Variants in RABEP1 observed in about 807,000 individuals in gnomAD.
RABEP1 encodes the protein rab GTPase-binding effector protein 1.
RABEP1 carries 51 observed loss-of-function variants against 123.4 expected under a neutral mutation model. The ratio of observed to expected loss-of-function variants is 0.41; its 90% CI spans 0.33 to 0.52. The LOEUF (loss-of-function observed/expected upper bound fraction) is 0.52. Ranked by LOEUF, RABEP1 falls within the 20% of genes least tolerant of loss-of-function variation. The probability of loss-of-function intolerance (pLI) is 0.16; values close to 1 mark genes in which losing one functional copy is unlikely to be tolerated. For synonymous variants in RABEP1, 347 were observed against 355.2 expected (o/e 0.98, Z 0.26); for missense variants, 888 against 996.3 (o/e 0.89, Z 1.46).
intron 2 of RABEP1, among the ~76,000 whole-genome samples, chr17:5,314,231 A>ATTTTTTTTT (rs2075272537): frequency 2.8e-5 from 1 of 35,242 alleles, no homozygotes; most frequent in African/African-American, 9.4e-5. Context: ...CTTAGTACCT[A>ATTTTTTTTT]TTCTTTTTTT....
Position 5,294,860 on chromosome 17 carries a change from G to C in RABEP1, c.34+12340G>C, listed in dbSNP as rs55965712. On this transcript the variant is annotated intron_variant, in intron 1 of 17. Coordinates refer to ENST00000537505, the MANE Select transcript of RABEP1 (RefSeq NM_004703.6). ...ACAGGGTTTCATCACGTTAGCCAGG[G>C]TGGTCTCGATCTCCTGACCTTGTGA... Among the ~76,000 whole-genome samples the C allele has an allele frequency of 1.5e-4, 22 of 151,078 alleles. No individual in the cohort carries two copies. In the East Asian group the frequency reaches 2.8e-3, roughly 19 times the overall value.
intron 1 of RABEP1, among the ~76,000 whole-genome samples, chr17:5,299,542 G>A (rs1232062182): frequency 6.6e-6 from 1 of 151,174 alleles, no homozygotes; most frequent in African/African-American, 2.4e-5. Context: ...GGCCACTGAA[G>A]TGTGTTTTCA....
chr17:5,381,182 T>C (rs563940410), intron 16 of RABEP1, among the ~76,000 whole-genome samples: 2 of 152,290 alleles, frequency 1.3e-5, no homozygotes, highest in East Asian at 3.9e-4. Flanking sequence ...CTTTGGCTTT[T>C]CATACCCAGT....
chr17:5,371,513 T>C (rs1910531238), intron 12 of RABEP1: 1 of 152,224 alleles, frequency 6.6e-6, no homozygotes, highest in Admixed American at 6.5e-5. Flanking sequence ...CCTTCTTTCA[T>C]ATCCAGAAGG....
rs182114847 is a variant in RABEP1, at chr17:5,315,373, A to G, written c.163+6551A>G. ...TTCCTCCTAGTGAGACAAAGAGGGAAATATGAAAGAATATAAAGACAAAGA... is the reference window on the plus strand; with the variant it reads ...TTCCTCCTAGTGAGACAAAGAGGGAGATATGAAAGAATATAAAGACAAAGA... On this transcript the variant is annotated intron_variant, in intron 2 of 17. Transcript: ENST00000537505. Among the ~76,000 whole-genome samples, 12 of 152,346 alleles carry G rather than the reference A, an allele frequency of 7.9e-5. No individual in the cohort carries two copies. In the East Asian group the frequency reaches 2.3e-3, roughly 29 times the overall value.
At chr17:5,332,596 A>ATTTTTTT (rs553120401) in intron 3 of RABEP1, among the ~76,000 whole-genome samples, 13 of 105,910 alleles carry the variant, frequency 1.2e-4, no homozygotes, top group African/African-American at 3.7e-4. Context: ...ACGTTTTAGA[A>ATTTTTTT]TTTTTTTTTT....
At chr17:5,363,307 AC>A (rs1458534174) in intron 10 of RABEP1, among the ~76,000 whole-genome samples, 2 of 149,826 alleles carry the variant, frequency 1.3e-5, no homozygotes, top group Non-Finnish European at 3.0e-5. Context: ...GCAACTTCCG[AC>A]CCCCTGGTTC....
At chr17:5,354,083 T>C (rs1291251977) in intron 7 of RABEP1, among the ~76,000 whole-genome samples, 2 of 152,174 alleles carry the variant, frequency 1.3e-5, no homozygotes, top group African/African-American at 4.8e-5. Context: ...CGGTTTTGCT[T>C]TCTTTTATTT....
intron 2 of RABEP1, among the ~76,000 whole-genome samples, chr17:5,324,313 G>A (rs1348925753): frequency 6.6e-6 from 1 of 152,040 alleles, no homozygotes; most frequent in African/African-American, 2.4e-5. Flanking sequence ...CTGCAACAAA[G>A]GCACCAAGAA....
intron 8 of RABEP1, among the ~76,000 whole-genome samples, chr17:5,357,194 CAT>C (rs1689971554): frequency 6.6e-6 from 1 of 151,998 alleles, no homozygotes; most frequent in African/African-American, 2.4e-5. Flanking sequence ...ACTTTTAAAA[CAT>C]AATCTAGATT....
At chr17:5,373,776 TC>T (rs1910742796) in intron 13 of RABEP1, among the ~76,000 whole-genome samples, 2 of 150,190 alleles carry the variant, frequency 1.3e-5, no homozygotes, top group East Asian at 2.0e-4. Context: ...CCATCCTTAT[TC>T]CCCCTCCTCC....
intron 5 of RABEP1, among the ~76,000 whole-genome samples, chr17:5,343,145 G>C (rs186675372): frequency 2.0e-5 from 3 of 152,178 alleles, no homozygotes; most frequent in African/African-American, 4.8e-5. Flanking sequence ...CCAGCTACTT[G>C]GGGGGCTGAG....
intron 2 of RABEP1, among the ~76,000 whole-genome samples, chr17:5,316,677 G>A (rs2075299648): frequency 6.7e-6 from 1 of 150,126 alleles, no homozygotes; most frequent in South Asian, 2.1e-4. Context: ...TACTAGAAAT[G>A]CAAAAATTAG....
At chr17:5,285,287 C>T (rs1052736365) in intron 1 of RABEP1, among the ~76,000 whole-genome samples, 4 of 150,752 alleles carry the variant, frequency 2.7e-5, no homozygotes, top group Non-Finnish European at 5.9e-5. Context: ...GGTTTTACTT[C>T]ACTTTTTTTC....
intron 1 of RABEP1, among the ~76,000 whole-genome samples, chr17:5,301,921 AT>A: frequency 6.6e-6 from 1 of 152,200 alleles, no homozygotes. Context: ...CAATAACAGT[AT>A]GGGGTTGTGG....
chr17:5,363,237 T>C (rs2144681632), intron 10 of RABEP1, among the ~76,000 whole-genome samples: 1 of 152,042 alleles, frequency 6.6e-6, no homozygotes, highest in Non-Finnish European at 1.5e-5. Flanking sequence ...TGTTTGTTTT[T>C]TTTGAGAGGG....
intron 1 of RABEP1, among the ~76,000 whole-genome samples, chr17:5,294,360 G>A (rs1026155862): frequency 1.3e-5 from 2 of 151,796 alleles, no homozygotes; most frequent in Non-Finnish European, 2.9e-5. Flanking sequence ...CTCCAGCCTG[G>A]GTGACAGTGA....
intron 1 of RABEP1, among the ~76,000 whole-genome samples, chr17:5,293,904 C>T (rs919172831): frequency 1.3e-5 from 2 of 152,010 alleles, no homozygotes; most frequent in African/African-American, 4.8e-5. Context: ...TAAGTTGTTT[C>T]TATGTGAGCT....
At chr17:5,352,324 C>T (rs1908626689) in intron 7 of RABEP1, among the ~76,000 whole-genome samples, 1 of 151,842 alleles carries the variant, frequency 6.6e-6, no homozygotes, top group Admixed American at 6.6e-5. Flanking sequence ...GCCCAAGTAG[C>T]TGGGACTACA....
Sources: allele counts gnomAD v4.1 joint callset (sites outside exome capture counted in the v4.1 genomes callset), GRCh38; gene constraint gnomAD v4.1.1; transcripts MANE v1.5; gene names NCBI Gene and HGNC (gene_info 2026-07-23, HGNC 2026-07-21).